Variants in AP1M1 observed in about 807,000 individuals in gnomAD.
AP1M1 encodes adaptor related protein complex 1 subunit mu 1, also known as AP-1 complex subunit mu-1.
In AP1M1, 18 loss-of-function variants were observed where a neutral mutation model predicts 57.1. The observed-to-expected ratio is 0.32, with a 90% confidence interval of 0.22 to 0.47. AP1M1 has a LOEUF of 0.47. Among genes scored for constraint, AP1M1 ranks in the 20% least tolerant of loss-of-function variants. AP1M1 has a pLI of 1.00. For synonymous variants in AP1M1, 241 were observed against 237.9 expected, an observed-to-expected ratio of 1.01 and a Z score of -0.12; for missense variants, 362 against 593.5, an observed-to-expected ratio of 0.61 and a Z score of 4.05.
rs2091648569 is a variant in AP1M1 at position 16,242,370 on chromosome 19, T to A, written c.*7935T>A. The stretch of plus-strand genomic sequence containing the variant: ...AAATGCAGGGATGTTCTAAACTTTT[T>A]AAAATAATAAATAATAGTACTTAAA... On this transcript the variant is annotated 3_prime_UTR_variant, in exon 12 of 12. Coordinates refer to ENST00000291439, the MANE Select transcript of AP1M1 (RefSeq NM_032493.4). 6.6e-6 allele frequency: 1 copy of A among 152,104 alleles called. No individual in the cohort carries two copies. Among genetic ancestry groups the A allele is most frequent in the East Asian group, 1.9e-4 (1 of 5,202 alleles). 9.4% of individuals were successfully genotyped at this position (152,104 alleles called of 1,614,324 possible).
chr19:16,203,475 A>G lies in AP1M1; in HGVS notation c.59A>G (p.Asn20Ser). 6.2e-7 allele frequency: 1 copy of G among 1,614,012 alleles called. No individual in the cohort carries two copies. Among genetic ancestry groups the G allele is most frequent in the South Asian group, 1.1e-5 (1 of 91,078 alleles). The change falls in exon 2 of 12, where the codon AAC (asparagine) becomes AGC (serine). Residue 20 changes from asparagine (N) to serine (S), a missense_variant. Transcript: ENST00000291439. The surrounding 1 kb of genome is among the most constrained non-coding windows in gnomAD (Gnocchi z 4.6). ...DLKGKVLICR[N>S]YRGDVDMSEV... is the part of the protein sequence containing the mutation. The stretch of plus-strand genomic sequence containing the variant: ...CCACCCCAGGTGCTCATCTGCCGGA[A>G]CTACCGTGGCGACGTGGACATGTCA...
At chr19:16,215,277 A>G (rs1386703452) in intron 5 of AP1M1, among the ~76,000 whole-genome samples, 1 of 125,258 alleles carries the variant, frequency 8.0e-6, no homozygotes, top group Non-Finnish European at 1.8e-5. Flanking sequence ...CCTGGCCAAC[A>G]TGGTGAAACC....
rs2091656684 is a variant in AP1M1 at position 16,244,736 on chromosome 19, A to G, written c.*10301A>G. The stretch of plus-strand genomic sequence containing the variant: ...TCCCAGCTACTCCGGAGGCTGAGGC[A>G]GGAGAATGGCGTGAACCCGGGAAGC... On this transcript the variant is annotated 3_prime_UTR_variant, in exon 12 of 12. Coordinates refer to ENST00000291439, the MANE Select transcript of AP1M1 (RefSeq NM_032493.4). 6.6e-6 allele frequency: 1 copy of G among 151,688 alleles called. No individual in the cohort carries two copies. The highest frequency in any genetic ancestry group is 2.4e-5 in the African/African-American group (1 of 41,346). The allele number at this position is 151,688 out of a possible 1,614,324, so 9.4% of individuals were successfully genotyped here.
Position 16,226,475 on chromosome 19 carries a change from C to T in AP1M1, c.601C>T (p.Arg201Ter), listed in dbSNP as rs774557887. The T allele has an allele frequency of 5.7e-6, 9 of 1,581,636 alleles. No homozygotes were observed. Among genetic ancestry groups the T allele is most frequent in the Admixed American group, 1.8e-5 (1 of 56,520 alleles). ...CGAGATCGTGGGCTCCATCAAGATG[C>T]GAGTCTTCCTCTCGGGCATGCCCGA... ...RSEIVGSIKM[R>*]VFLSGMPELR... is the part of the protein sequence containing the mutation. Residue 201 changes from arginine (R) to a stop codon, truncating the protein, a stop_gained, in exon 6 of 12, where the codon CGA becomes TGA. Coordinates refer to ENST00000291439, the MANE Select transcript of AP1M1 (RefSeq NM_032493.4). LOFTEE classifies it high-confidence loss of function.
chr19:16,227,993 C>G lies in AP1M1; in HGVS notation c.817-144C>G. The G allele has an allele frequency of 1.1e-6, 1 of 908,152 alleles. No individual in the cohort carries two copies. The highest frequency in any genetic ancestry group is 1.7e-6 in the Non-Finnish European group (1 of 588,228). 56.3% of individuals were successfully genotyped at this position (908,152 alleles called of 1,614,324 possible). On this transcript the variant is annotated intron_variant, in intron 7 of 11. Coordinates refer to ENST00000291439, the MANE Select transcript of AP1M1 (RefSeq NM_032493.4). This position sits in a 1 kb window ranked among gnomAD's most constrained non-coding sequence, Gnocchi z 6.2. The stretch of plus-strand genomic sequence containing the variant: ...CTCGGCCTGTCTGCCCTGGCCCTCC[C>G]TGACGCTGGCTGTACGCTCCCTGCA...
chr19:16,200,525 T>G (rs2091442537), intron 1 of AP1M1, among the ~76,000 whole-genome samples: 2 of 152,274 alleles, frequency 1.3e-5, no homozygotes, highest in Middle Eastern at 3.4e-3. Context: ...CTTCCTTCCC[T>G]TCCTCTGCAA....
chr19:16,207,477 G>A lies in AP1M1; in HGVS notation c.268-542G>A, dbSNP rs916020627. ...TCAGAGAATGGGGGATGCGGGAAGGGGAAGGTCCTCACCCAAGGGTTGGGC... is the reference window on the plus strand; with the variant it reads ...TCAGAGAATGGGGGATGCGGGAAGGAGAAGGTCCTCACCCAAGGGTTGGGC... On this transcript the variant is annotated intron_variant, in intron 3 of 11. Coordinates refer to ENST00000291439, the MANE Select transcript of AP1M1 (RefSeq NM_032493.4). This position sits in a 1 kb window ranked among gnomAD's most constrained non-coding sequence, Gnocchi z 4.2. Among the ~76,000 whole-genome samples, 2 of 152,136 alleles carry A rather than the reference G, an allele frequency of 1.3e-5. No individual in the cohort carries two copies. Among genetic ancestry groups the A allele is most frequent in the Non-Finnish European group, 2.9e-5 (2 of 68,020 alleles).
intron 5 of AP1M1, among the ~76,000 whole-genome samples, chr19:16,221,868 T>C (rs1326057918): frequency 6.6e-6 from 1 of 152,182 alleles, no homozygotes; most frequent in Non-Finnish European, 1.5e-5. Context: ...GTATTTTTAG[T>C]AGAGACAGGG....
intron 5 of AP1M1, among the ~76,000 whole-genome samples, chr19:16,216,109 A>G (rs183741391): frequency 1.1e-4 from 17 of 152,258 alleles, no homozygotes; most frequent in East Asian, 7.7e-4. Flanking sequence ...TTGGGTTTCA[A>G]TGTTCCTAAT....
intron 5 of AP1M1, among the ~76,000 whole-genome samples, chr19:16,222,936 G>A (rs1034131256): frequency 6.6e-6 from 1 of 152,134 alleles, no homozygotes; most frequent in African/African-American, 2.4e-5. Context: ...GCTGTTTAAA[G>A]TCTTCATCAG....
intron 9 of AP1M1, among the ~76,000 whole-genome samples, chr19:16,232,732 C>T (rs912842096): frequency 5.9e-5 from 9 of 152,254 alleles, no homozygotes; most frequent in South Asian, 2.1e-4. Context: ...GTAGCTCCCA[C>T]GGAACCTCGG....
At chr19:16,208,797 C>A in intron 4 of AP1M1, 1 of 479,914 alleles carries the variant, frequency 2.1e-6, no homozygotes, top group East Asian at 3.3e-5. Flanking sequence ...GCACTTCAGC[C>A]TCTATAACTT....
intron 9 of AP1M1, among the ~76,000 whole-genome samples, chr19:16,230,167 A>C (rs1420136529): frequency 1.3e-5 from 2 of 152,042 alleles, no homozygotes; most frequent in Non-Finnish European, 2.9e-5. Flanking sequence ...AGCCATGCAC[A>C]GGCACACCTC....
intron 5 of AP1M1, among the ~76,000 whole-genome samples, chr19:16,215,288 T>G (rs571609042): frequency 1.8e-3 from 228 of 125,624 alleles, no homozygotes; most frequent in African/African-American, 6.1e-3. Flanking sequence ...TGGTGAAACC[T>G]GGTCTCTACT....
At chr19:16,233,737 T>C in intron 10 of AP1M1, 119 bp downstream of exon 10, 1 of 1,325,830 alleles carries the variant, frequency 7.5e-7, no homozygotes, top group East Asian at 2.5e-5. Context: ...CCTGCTGTGC[T>C]GTGGGCCTCT....
At chr19:16,233,980 G>A in intron 10 of AP1M1, 3 of 581,970 alleles carry the variant, frequency 5.2e-6, no homozygotes, top group South Asian at 2.4e-5. Context: ...GGCCGTGTCT[G>A]CAAGCCACAT....
At position 16,227,968 on chromosome 19, in the gene AP1M1, C is replaced by A. The variant is rs926059020; in HGVS notation, c.817-169C>A. Among the ~76,000 whole-genome samples, 3 of 152,250 alleles carry A rather than the reference C, an allele frequency of 2.0e-5. No individual in the cohort carries two copies. Among genetic ancestry groups the A allele is most frequent in the Non-Finnish European group, 4.4e-5 (3 of 68,038 alleles). On this transcript the variant is annotated intron_variant, in intron 7 of 11. Coordinates refer to ENST00000291439, the MANE Select transcript of AP1M1 (RefSeq NM_032493.4). The surrounding 1 kb of genome is among the most constrained non-coding windows in gnomAD (Gnocchi z 6.2). ...GGCCTCCCCGGTAGCTCCCGGCTAC[C>A]TCGGCCTGTCTGCCCTGGCCCTCCC... is the stretch of plus-strand genomic sequence containing the variant.
intron 9 of AP1M1, among the ~76,000 whole-genome samples, chr19:16,233,208 A>C (rs1482054660): frequency 6.6e-6 from 1 of 152,210 alleles, no homozygotes; most frequent in African/African-American, 2.4e-5. Flanking sequence ...GGGCCACTGC[A>C]GACCACACTG....
chr19:16,203,551 G>T lies in AP1M1; in HGVS notation c.135G>T (p.Met45Ile). 1 of 1,614,156 alleles carries T rather than the reference G, an allele frequency of 6.2e-7. No homozygotes were observed. Among genetic ancestry groups the T allele is most frequent in the Admixed American group, 1.7e-5 (1 of 60,014 alleles). The change falls in exon 2 of 12, where the codon ATG (methionine) becomes ATT (isoleucine). Residue 45 changes from methionine to isoleucine, a missense_variant. This residue lies in a region of AP1M1 where 337 missense variants were observed against 511.1 expected (regional missense o/e 0.66). Transcript: ENST00000291439. The surrounding 1 kb of genome is among the most constrained non-coding windows in gnomAD (Gnocchi z 4.6). ...TGATGGAGAAGGAGGAGGAGGGGAT[G>T]CTGTCGCCCATCCTGGCCCACGGGG... The part of the protein sequence containing the change: ...PILMEKEEEG[M>I]LSPILAHGGV...
Sources: allele counts gnomAD v4.1 joint callset (sites outside exome capture counted in the v4.1 genomes callset), GRCh38; gene constraint gnomAD v4.1.1; regional missense constraint gnomAD v4.1.1; non-coding constraint Gnocchi (gnomAD v3.1); transcripts MANE v1.5; gene names NCBI Gene and HGNC (gene_info 2026-07-23, HGNC 2026-07-21).